Variants in HS3ST5 observed in about 807,000 individuals in gnomAD.
The protein encoded by HS3ST5 is heparan sulfate-glucosamine 3-sulfotransferase 5.
A neutral mutation model predicts 25.4 loss-of-function variants in HS3ST5; 10 were observed. The ratio of observed to expected loss-of-function variants is 0.39; its 90% CI spans 0.24 to 0.67. The LOEUF (loss-of-function observed/expected upper bound fraction) is 0.67. Among genes scored for constraint, HS3ST5 ranks in the 30% least tolerant of loss-of-function variants. The pLI is 0.44. For synonymous variants in HS3ST5, 170 were observed against 162.4 expected (o/e 1.05, Z -0.36); for missense variants, 324 against 420.7 (o/e 0.77, Z 2.01).
chr6:114,120,860 A>G (rs891286990), intron 3 of HS3ST5, among the ~76,000 whole-genome samples: 15 of 152,180 alleles, frequency 9.9e-5, no homozygotes, highest in Non-Finnish European at 2.9e-5. Context: ...TTAGGGCTTG[A>G]ATTCCACGAA....
Position 114,056,534 on chromosome 6 carries a change from A to G in HS3ST5, c.*723T>C, listed in dbSNP as rs2114687383. On this transcript the variant is annotated 3_prime_UTR_variant, in exon 5 of 5. Transcript: ENST00000312719. ...TTTTCACAATAAATTAAATAGCCAT[A>G]TTCAGTTTACAAAATAGAATTACTT... The G allele has an allele frequency of 6.6e-6, 1 of 152,306 alleles. No individual in the cohort carries two copies. The highest frequency in any genetic ancestry group is 2.1e-4 in the South Asian group (1 of 4,832). The allele number at this position is 152,306 out of a possible 1,614,324, so 9.4% of individuals were successfully genotyped here. A position where few individuals can be genotyped will look rare whatever the true frequency, so the allele number is the denominator to read the frequency against.
intron 1 of HS3ST5, among the ~76,000 whole-genome samples, chr6:114,276,377 T>C (rs1028605713): frequency 2.0e-5 from 3 of 151,912 alleles, no homozygotes; most frequent in Non-Finnish European, 2.9e-5. Context: ...TAAAATGTTA[T>C]TTATATATTT....
At chr6:114,173,827 C>T (rs1779588498) in intron 2 of HS3ST5, among the ~76,000 whole-genome samples, 1 of 152,224 alleles carries the variant, frequency 6.6e-6, no homozygotes, top group Admixed American at 6.5e-5. Flanking sequence ...CCACTGCATT[C>T]CAGCCTGGGC....
At chr6:114,239,476 A>G (rs1772003667) in intron 1 of HS3ST5, among the ~76,000 whole-genome samples, 2 of 152,150 alleles carry the variant, frequency 1.3e-5, no homozygotes, top group Admixed American at 6.5e-5. Context: ...TTGGGGAGGG[A>G]AAGATGTATG....
At chr6:114,086,761 T>C (rs747994156) in intron 3 of HS3ST5, among the ~76,000 whole-genome samples, 2 of 152,226 alleles carry the variant, frequency 1.3e-5, no homozygotes, top group African/African-American at 4.8e-5. Context: ...AAGCTTTTTG[T>C]TCGGGGAACA....
chr6:114,236,079 C>T (rs554149222), intron 1 of HS3ST5, among the ~76,000 whole-genome samples: 18 of 152,290 alleles, frequency 1.2e-4, no homozygotes, highest in Admixed American at 3.9e-4. Flanking sequence ...GTACCTTCCA[C>T]AAGGGCAGAT....
At chr6:114,185,745 T>C (rs556222917) in intron 2 of HS3ST5, among the ~76,000 whole-genome samples, 69 of 151,058 alleles carry the variant, frequency 4.6e-4, no homozygotes, top group Admixed American at 3.5e-3. Context: ...TTCTTTCTTT[T>C]TTTTTTTTTT....
chr6:114,302,371 C>T (rs991432164), intron 1 of HS3ST5, among the ~76,000 whole-genome samples: 1 of 152,088 alleles, frequency 6.6e-6, no homozygotes, highest in African/African-American at 2.4e-5. Flanking sequence ...AAGAGAAAGT[C>T]ATAGTTAAGT....
At chr6:114,262,148 A>C (rs1773200929) in intron 1 of HS3ST5, among the ~76,000 whole-genome samples, 1 of 152,234 alleles carries the variant, frequency 6.6e-6, no homozygotes, top group Non-Finnish European at 1.5e-5. Context: ...TCACCTAAAG[A>C]ATCTTTTCAT....
intron 1 of HS3ST5, among the ~76,000 whole-genome samples, chr6:114,240,529 G>A (rs551570020): frequency 6.6e-6 from 1 of 152,196 alleles, no homozygotes; most frequent in Non-Finnish European, 1.5e-5. Flanking sequence ...TAACTCGAAG[G>A]GGTCCTTTGT....
At chr6:114,163,842 A>G (rs986161764) in intron 3 of HS3ST5, among the ~76,000 whole-genome samples, 1 of 152,144 alleles carries the variant, frequency 6.6e-6, no homozygotes, top group African/African-American at 2.4e-5. Flanking sequence ...ATAGTTAAAG[A>G]GCATGGGCAG....
At chr6:114,209,973 T>C (rs769824034) in intron 2 of HS3ST5, among the ~76,000 whole-genome samples, 5 of 152,194 alleles carry the variant, frequency 3.3e-5, no homozygotes, top group Non-Finnish European at 7.4e-5. Context: ...TTAAAATTAT[T>C]ACTCAAATAG....
At chr6:114,201,405 G>A (rs1305928211) in intron 2 of HS3ST5, among the ~76,000 whole-genome samples, 1 of 152,082 alleles carries the variant, frequency 6.6e-6, no homozygotes, top group Non-Finnish European at 1.5e-5. Context: ...TATTCCAATA[G>A]TCGTTTACTA....
At chr6:114,310,507 T>C (rs1362651151) in intron 1 of HS3ST5, among the ~76,000 whole-genome samples, 6 of 151,216 alleles carry the variant, frequency 4.0e-5, no homozygotes, top group Non-Finnish European at 4.4e-5. Context: ...TGGAAAAGAC[T>C]TTATTTACTC....
intron 1 of HS3ST5, among the ~76,000 whole-genome samples, chr6:114,319,666 G>A (rs1165443147): frequency 6.6e-6 from 1 of 152,014 alleles, no homozygotes; most frequent in Non-Finnish European, 1.5e-5. Context: ...ATATTTTAAA[G>A]TTCTATTTTA....
chr6:114,227,082 T>A (rs1771332980), intron 2 of HS3ST5, among the ~76,000 whole-genome samples: 1 of 151,840 alleles, frequency 6.6e-6, no homozygotes, highest in Non-Finnish European at 1.5e-5. Context: ...TAATAACAAG[T>A]GCATGTGAAA....
At chr6:114,149,350 G>A (rs1778336095) in intron 3 of HS3ST5, among the ~76,000 whole-genome samples, 1 of 152,188 alleles carries the variant, frequency 6.6e-6, no homozygotes, top group Non-Finnish European at 1.5e-5. Flanking sequence ...ATCAATGATA[G>A]ACTGGATAAA....
chr6:114,175,548 A>G (rs1210767611), intron 2 of HS3ST5, among the ~76,000 whole-genome samples: 2 of 152,170 alleles, frequency 1.3e-5, no homozygotes, highest in Non-Finnish European at 2.9e-5. Flanking sequence ...ACAGCATGAC[A>G]TAACTGCTTC....
intron 1 of HS3ST5, among the ~76,000 whole-genome samples, chr6:114,261,535 T>C (rs909798566): frequency 6.6e-6 from 1 of 152,122 alleles, no homozygotes; most frequent in Non-Finnish European, 1.5e-5. Flanking sequence ...CGAACTGAAG[T>C]TGATATTTAT....
Sources: gnomAD v4.1 joint callset for allele counts (sites outside exome capture counted in the v4.1 genomes callset) on GRCh38, gnomAD v4.1.1 for gene constraint, MANE v1.5 for transcripts, NCBI Gene and HGNC (gene_info 2026-07-23, HGNC 2026-07-21) for gene names.